Variants in OVOL1 observed in about 807,000 individuals in gnomAD.
The protein encoded by OVOL1 is ovo like transcriptional repressor 1, also known as putative transcription factor Ovo-like 1.
In OVOL1, 10 loss-of-function variants were observed where a neutral mutation model predicts 21.5. That is an observed-to-expected ratio of 0.46 (90% CI 0.29 to 0.79). OVOL1 has a LOEUF of 0.79. OVOL1 is among the 30% of genes least tolerant of loss of function. OVOL1 has a pLI of 0.10. For missense variants in OVOL1, 279 were observed against 362.3 expected (o/e 0.77, Z 1.87); for synonymous variants, 129 against 150.3 (o/e 0.86, Z 1.03).
Position 65,795,061 on chromosome 11 carries a change from A to C in OVOL1, c.524A>C (p.Lys175Thr). 1.2e-6 allele frequency: 2 copies of C among 1,612,952 alleles called. No individual in the cohort carries two copies. The highest frequency in any genetic ancestry group is 1.7e-6 in the Non-Finnish European group (2 of 1,179,918). Residue 175 changes from lysine to threonine, a missense_variant, in exon 4 of 4, where the codon AAG becomes ACG. Transcript: ENST00000335987. This position sits in a 1 kb window ranked among gnomAD's most constrained non-coding sequence, Gnocchi z 5.7. ...VRTHTGVRPY[K>T]CSLCDKAFTQ... ...CTCCCCACAGGCGTGCGGCCCTACA[A>C]GTGCAGCCTGTGTGACAAGGCCTTC...
Position 65,787,252 on chromosome 11 carries a change from G to A in OVOL1, c.-122G>A. Reference sequence around the variant, plus strand: ...CGGACCTTCCCCGGAACGTGGGGGCGCCTTAGCGACTCCTTCCCTGTTGTG... The same window carrying A: ...CGGACCTTCCCCGGAACGTGGGGGCACCTTAGCGACTCCTTCCCTGTTGTG... On this transcript the variant is annotated 5_prime_UTR_variant, in exon 1 of 4. Transcript: ENST00000335987. 2 of 732,772 alleles carry A rather than the reference G, an allele frequency of 2.7e-6. No homozygotes were observed. Among genetic ancestry groups the A allele is most frequent in the Non-Finnish European group, 4.5e-6 (2 of 440,414 alleles). The allele number at this position is 732,772 out of a possible 1,614,324, so 45.4% of individuals were successfully genotyped here.
intron 1 of OVOL1, chr11:65,788,634 A>T: frequency 2.0e-6 from 2 of 985,356 alleles, no homozygotes; most frequent in Non-Finnish European, 2.4e-6. Flanking sequence ...GCTGTTGGAG[A>T]CAGTGTCCTG....
At chr11:65,794,459 G>C (rs1460998531) in intron 2 of OVOL1, 79 bp from the exon 3 acceptor site, 1 of 1,389,508 alleles carries the variant, frequency 7.2e-7, no homozygotes, top group Non-Finnish European at 1.0e-6. Context: ...ACTGGGGGCT[G>C]GCATCCACGT....
In OVOL1 at chr11:65,795,076, ACAAGGCCTTCACGCAGCG is replaced by A; in HGVS notation, c.541_558del (p.Lys181_Arg186del). The A allele has an allele frequency of 6.2e-7, 1 of 1,613,380 alleles. No individual in the cohort carries two copies. The highest frequency in any genetic ancestry group is 8.5e-7 in the Non-Finnish European group (1 of 1,180,002). ...CGGCCCTACAAGTGCAGCCTGTGTG[ACAAGGCCTTCACGCAGCG>A]CTGCTCTCTGGAGTCTCACCTCAAG... On this transcript the variant is annotated inframe_deletion, in exon 4 of 4. Transcript: ENST00000335987. The surrounding 1 kb of genome is among the most constrained non-coding windows in gnomAD (Gnocchi z 5.7).
intron 1 of OVOL1, chr11:65,788,953 C>T (rs1016371051): frequency 1.4e-4 from 142 of 986,256 alleles, no homozygotes; most frequent in Non-Finnish European, 1.6e-4. Flanking sequence ...AGGGCCAGAG[C>T]CCCCTCCCCG....
rs972463718 is a variant in OVOL1 at position 65,796,202 on chromosome 11, A to C, written c.*861A>C. The C allele has an allele frequency of 2.0e-5, 3 of 152,186 alleles. No individual in the cohort carries two copies. Among genetic ancestry groups the C allele is most frequent in the Admixed American group, 6.6e-5 (1 of 15,238 alleles). The allele number at this position is 152,186 out of a possible 1,614,324, so 9.4% of individuals were successfully genotyped here. A position where few individuals can be genotyped will look rare whatever the true frequency, so the allele number is the denominator to read the frequency against. The stretch of plus-strand genomic sequence containing the variant: ...CTCTGGGCGGGGGCTGCCCCAACCC[A>C]CCCCCGTTCTTTGTACGTGCTGAGA... On this transcript the variant is annotated 3_prime_UTR_variant, in exon 4 of 4. Transcript: ENST00000335987.
Position 65,787,466 on chromosome 11 carries a change from C to T in OVOL1, c.93C>T (p.Tyr31=), listed in dbSNP as rs756059124. 1.3e-6 allele frequency: 2 copies of T among 1,559,236 alleles called. No homozygotes were observed. Among genetic ancestry groups the T allele is most frequent in the Non-Finnish European group, 1.7e-6 (2 of 1,150,642 alleles). Residue 31 remains tyrosine, a synonymous_variant, in exon 1 of 4, where the codon TAC becomes TAT. Transcript: ENST00000335987. ...CCGACGAGGAGCGCGGCGAGATCTA[C>T]GTGCCAGGTGAGGCTCCAACCGCCC... ...ELPDEERGEI[Y]VPVSLGFCPP...
intron 1 of OVOL1, among the ~76,000 whole-genome samples, chr11:65,793,125 C>T (rs1033409382): frequency 2.0e-5 from 3 of 152,236 alleles, no homozygotes; most frequent in Admixed American, 6.5e-5. Flanking sequence ...AAATTTGCCC[C>T]GGCTCTGTTG....
In OVOL1 at chr11:65,794,146, G is replaced by C. The variant is rs1293584576; in HGVS notation, c.216G>C (p.Met72Ile). The change falls in exon 2 of 4, where the codon ATG becomes ATC. Residue 72 changes from methionine (M) to isoleucine (I), a missense_variant. Coordinates refer to ENST00000335987, the MANE Select transcript of OVOL1 (RefSeq NM_004561.4). Reference sequence around the variant, plus strand: ...GCCTTCGAGACTCTAGCTACAGCATGGCCCCCGGGCCCTGTGTGGTGGCCC... The same window carrying C: ...GCCTTCGAGACTCTAGCTACAGCATCGCCCCCGGGCCCTGTGTGGTGGCCC... ...NMSLRDSSYS[M>I]APGPCVVAQL... is the part of the protein sequence containing the mutation. 6.2e-7 allele frequency: 1 copy of C among 1,613,810 alleles called. No individual in the cohort carries two copies. The highest frequency in any genetic ancestry group is 8.5e-7 in the Non-Finnish European group (1 of 1,180,028).
Position 65,794,157 on chromosome 11 carries a change from CCT to C in OVOL1, c.228_229del (p.Val78GlyfsTer7). The C allele has an allele frequency of 6.2e-7, 1 of 1,613,804 alleles. No individual in the cohort carries two copies. On this transcript the variant is annotated frameshift_variant, in exon 2 of 4. Coordinates refer to ENST00000335987, the MANE Select transcript of OVOL1 (RefSeq NM_004561.4). LOFTEE classifies it high-confidence loss of function. ...TCTAGCTACAGCATGGCCCCCGGGC[CCT>C]GTGTGGTGGCCCAGCTGCCCTCTGA...
Position 65,794,626 on chromosome 11 carries a change from A to G in OVOL1, c.407A>G (p.His136Arg). 1 of 1,613,726 alleles carries G rather than the reference A, an allele frequency of 6.2e-7. No homozygotes were observed. The highest frequency in any genetic ancestry group is 8.5e-7 in the Non-Finnish European group (1 of 1,180,016). ...ACCTACCAGCGCATGCTGAACCGCC[A>G]CATGAAGTGTCACAACGACGTCAAG... ...AFTYQRMLNRHMKCHNDVKRH... is the reference protein window; with the variant it reads ...AFTYQRMLNRRMKCHNDVKRH... The change falls in exon 3 of 4, where the codon CAC becomes CGC. Residue 136 changes from histidine (H) to arginine (R), a missense_variant. Coordinates refer to ENST00000335987, the MANE Select transcript of OVOL1 (RefSeq NM_004561.4).
At position 65,794,583 on chromosome 11, in the gene OVOL1, G is replaced by A. The variant is rs1445407774; in HGVS notation, c.364G>A (p.Val122Ile). 1 of 1,613,504 alleles carries A rather than the reference G, an allele frequency of 6.2e-7. No homozygotes were observed. The highest frequency in any genetic ancestry group is 8.5e-7 in the Non-Finnish European group (1 of 1,180,040). ...SPSGDLFTCR[V>I]CQKAFTYQRM... The stretch of plus-strand genomic sequence containing the variant: ...CAGTGGAGACCTGTTCACCTGCCGT[G>A]TCTGCCAGAAGGCCTTCACCTACCA... Residue 122 changes from valine to isoleucine, a missense_variant, in exon 3 of 4, where the codon GTC becomes ATC. Val to Ile is a conservative substitution (Grantham distance 29). Coordinates refer to ENST00000335987, the MANE Select transcript of OVOL1 (RefSeq NM_004561.4).
chr11:65,789,668 G>A (rs1199955481), intron 1 of OVOL1: 22 of 985,242 alleles, frequency 2.2e-5, no homozygotes, highest in Non-Finnish European at 2.7e-5. Context: ...AGCTGGGCAC[G>A]TTTCCGTTCA....
Position 65,794,597 on chromosome 11 carries a change from C to G in OVOL1, c.378C>G (p.Ala126=), listed in dbSNP as rs1858090690. Residue 126 remains alanine, a synonymous_variant, in exon 3 of 4, where the codon GCC becomes GCG. Coordinates refer to ENST00000335987, the MANE Select transcript of OVOL1 (RefSeq NM_004561.4). ...TCACCTGCCGTGTCTGCCAGAAGGCCTTCACCTACCAGCGCATGCTGAACC... is the reference window on the plus strand; with the variant it reads ...TCACCTGCCGTGTCTGCCAGAAGGCGTTCACCTACCAGCGCATGCTGAACC... ...DLFTCRVCQK[A]FTYQRMLNRH... is the part of the protein sequence containing the mutation. 1.2e-6 allele frequency: 2 copies of G among 1,613,526 alleles called. No homozygotes were observed. Among genetic ancestry groups the G allele is most frequent in the Non-Finnish European group, 8.5e-7 (1 of 1,180,028 alleles).
Position 65,794,119 on chromosome 11 carries a change from G to A in OVOL1, c.189G>A (p.Met63Ile). 2 of 1,613,978 alleles carry A rather than the reference G, an allele frequency of 1.2e-6. No homozygotes were observed. The highest frequency in any genetic ancestry group is 2.2e-5 in the East Asian group (1 of 44,884). The change falls in exon 2 of 4, where the codon ATG (methionine) becomes ATA (isoleucine). Residue 63 changes from methionine (M) to isoleucine (I), a missense_variant. Transcript: ENST00000335987. ...CTTCCTGCCCGCTGGCTTTGAACAT[G>A]AGCCTTCGAGACTCTAGCTACAGCA... ...EPPSCPLALN[M>I]SLRDSSYSMA... is the part of the protein sequence containing the mutation.
Position 65,794,739 on chromosome 11 carries a change from C to T in OVOL1, c.508+12C>T. The stretch of plus-strand genomic sequence containing the variant: ...CCGAACTCACACTGGTAAGTGGAAG[C>T]CCACGGCTGGGAGGAGCACGCCGGA... On this transcript the variant is annotated intron_variant, in intron 3 of 3. Transcript: ENST00000335987. 1 of 1,611,896 alleles carries T rather than the reference C, an allele frequency of 6.2e-7. No homozygotes were observed. Among genetic ancestry groups the T allele is most frequent in the Non-Finnish European group, 8.5e-7 (1 of 1,178,890 alleles).
rs140325286 is a variant in OVOL1 at position 65,795,148 on chromosome 11, C to T, written c.611C>T (p.Ala204Val). Reference protein sequence around the residue: ...KKIHGVQQKYAYKERRAKLYV... With the variant: ...KKIHGVQQKYVYKERRAKLYV... The stretch of plus-strand genomic sequence containing the variant: ...ATCCATGGTGTGCAGCAGAAGTACG[C>T]GTACAAGGAGCGGCGGGCCAAGCTG... The change falls in exon 4 of 4, where the codon GCG becomes GTG. Residue 204 changes from alanine (A) to valine (V), a missense_variant. Ala to Val is a moderately conservative substitution (Grantham distance 64, BLOSUM62 0). Coordinates refer to ENST00000335987, the MANE Select transcript of OVOL1 (RefSeq NM_004561.4). The surrounding 1 kb of genome is among the most constrained non-coding windows in gnomAD (Gnocchi z 5.7). 7 of 1,613,826 alleles carry T rather than the reference C, an allele frequency of 4.3e-6. No individual in the cohort carries two copies. The highest frequency in any genetic ancestry group is 1.3e-5 in the African/African-American group (1 of 75,004).
At position 65,787,102 on chromosome 11, in the gene OVOL1, C is replaced by A. The variant is rs1857921166; in HGVS notation, c.-272C>A. On this transcript the variant is annotated 5_prime_UTR_variant, in exon 1 of 4. Transcript: ENST00000335987. ...CCCGAGCGGCGGCGGGGACGCCAGTCGAGCCGGGAGACGCTTACCTGCCGC... is the reference window on the plus strand; with the variant it reads ...CCCGAGCGGCGGCGGGGACGCCAGTAGAGCCGGGAGACGCTTACCTGCCGC... 5 of 322,584 alleles carry A rather than the reference C, an allele frequency of 1.5e-5. No homozygotes were observed. Among genetic ancestry groups the A allele is most frequent in the South Asian group, 1.0e-4 (4 of 39,298 alleles). 20.0% of individuals were successfully genotyped at this position (322,584 alleles called of 1,614,324 possible).
In OVOL1 at chr11:65,795,428, A is replaced by G; in HGVS notation, c.*87A>G. Reference sequence around the variant, plus strand: ...TGCCTGGCCAGCCCACCCTCCTGCAACCTCTCACCCGAACACCAGTGATCA... The same window carrying G: ...TGCCTGGCCAGCCCACCCTCCTGCAGCCTCTCACCCGAACACCAGTGATCA... On this transcript the variant is annotated 3_prime_UTR_variant, in exon 4 of 4. Coordinates refer to ENST00000335987, the MANE Select transcript of OVOL1 (RefSeq NM_004561.4). This position sits in a 1 kb window ranked among gnomAD's most constrained non-coding sequence, Gnocchi z 5.7. 1.6e-6 allele frequency: 2 copies of G among 1,247,660 alleles called. No homozygotes were observed. Among genetic ancestry groups the G allele is most frequent in the Non-Finnish European group, 2.2e-6 (2 of 900,258 alleles). 77.3% of individuals were successfully genotyped at this position (1,247,660 alleles called of 1,614,324 possible). A position where few individuals can be genotyped will look rare whatever the true frequency, so the allele number is the denominator to read the frequency against.
Sources: allele counts gnomAD v4.1 joint callset (sites outside exome capture counted in the v4.1 genomes callset), GRCh38; gene constraint gnomAD v4.1.1; non-coding constraint Gnocchi (gnomAD v3.1); transcripts MANE v1.5; gene names NCBI Gene and HGNC (gene_info 2026-07-23, HGNC 2026-07-21).